DACH1: variants seen among roughly 807,000 people sequenced by gnomAD.
DACH1 encodes dachshund family transcription factor 1, also known as dachshund homolog 1.
DACH1 carries 12 observed loss-of-function variants against 54.2 expected under a neutral mutation model. The ratio of observed to expected loss-of-function variants is 0.22; its 90% CI spans 0.14 to 0.36. The LOEUF is 0.36. DACH1 is among the 10% of genes least tolerant of loss of function. The pLI is 1.00. For missense variants in DACH1, 805 were observed against 929.8 expected (o/e 0.87, Z 1.75); for synonymous variants, 386 against 366.2 (o/e 1.05, Z -0.62).
chr13:71,545,818 T>C (rs1473528424), intron 6 of DACH1, among the ~76,000 whole-genome samples: 1 of 152,042 alleles, frequency 6.6e-6, no homozygotes, highest in African/African-American at 2.4e-5. Flanking sequence ...CTTTAACATA[T>C]TCACAAATGA....
chr13:71,689,779 G>T (rs941852169), intron 1 of DACH1, among the ~76,000 whole-genome samples: 2 of 152,168 alleles, frequency 1.3e-5, no homozygotes, highest in Admixed American at 1.3e-4. Context: ...TATATTAAGT[G>T]TTAAAAATTA....
chr13:71,624,579 G>A (rs1876505002), intron 3 of DACH1, among the ~76,000 whole-genome samples: 2 of 151,752 alleles, frequency 1.3e-5, no homozygotes, highest in Admixed American at 6.6e-5. Context: ...TCATTGTTAG[G>A]CAGAAAAACA....
In DACH1 at chr13:71,630,749, C is replaced by T. The variant is rs760274539; in HGVS notation, c.965-32G>A. The T allele has an allele frequency of 5.9e-6, 9 of 1,522,348 alleles. No individual in the cohort carries two copies. In the South Asian group the frequency reaches 9.1e-5, roughly 15 times the overall value. 94.3% of individuals were successfully genotyped at this position (1,522,348 alleles called of 1,614,324 possible). ...AGAATAAATTAAAAATGAGGTAATTCAAATTCTGATTTTTCATTTAATAGT... is the reference window on the plus strand; with the variant it reads ...AGAATAAATTAAAAATGAGGTAATTTAAATTCTGATTTTTCATTTAATAGT... On this transcript the variant is annotated intron_variant, in intron 2 of 10. Transcript: ENST00000613252.
chr13:71,522,885 T>C (rs9542715), intron 6 of DACH1, among the ~76,000 whole-genome samples: 2,565 of 152,240 alleles, frequency 0.017, 39 homozygotes, highest in South Asian at 0.03. Context: ...AAAAGTTAAT[T>C]GTTAAACTTT....
At chr13:71,700,464 G>A (rs1468600597) in intron 1 of DACH1, among the ~76,000 whole-genome samples, 1 of 150,430 alleles carries the variant, frequency 6.6e-6, no homozygotes, top group East Asian at 2.0e-4. Context: ...GCTGAGGCAG[G>A]AGAATCACAT....
intron 1 of DACH1, among the ~76,000 whole-genome samples, chr13:71,782,269 C>T (rs303962): frequency 0.04 from 6,102 of 152,052 alleles, 253 homozygotes; most frequent in African/African-American, 0.11. Context: ...GGTGAAACCC[C>T]GTTTCTATTA....
intron 1 of DACH1, among the ~76,000 whole-genome samples, chr13:71,712,628 T>C (rs1239715471): frequency 2.0e-5 from 3 of 152,174 alleles, no homozygotes; most frequent in Admixed American, 6.6e-5. Context: ...GGTTGTTCCA[T>C]GTACGACATG....
intron 1 of DACH1, among the ~76,000 whole-genome samples, chr13:71,735,546 CGTGTATATGGGATATACGTGTATAT>C: frequency 6.8e-6 from 1 of 146,862 alleles, no homozygotes; most frequent in East Asian, 2.0e-4. Flanking sequence ...ATGGGATATA[CGTGTATATGGGATATACGTGTATAT>C]GGGATATACG....
intron 3 of DACH1, among the ~76,000 whole-genome samples, chr13:71,599,380 C>A (rs747509892): frequency 3.3e-5 from 5 of 152,072 alleles, no homozygotes; most frequent in Non-Finnish European, 7.4e-5. Context: ...ACAACCTGAA[C>A]AATGGAAATG....
chr13:71,816,653 T>C (rs1312699505), intron 1 of DACH1, among the ~76,000 whole-genome samples: 1 of 21,982 alleles, frequency 4.5e-5, no homozygotes, highest in Non-Finnish European at 1.3e-4. Context: ...TGTGTATATA[T>C]ATACACGTGT....
At chr13:71,470,304 C>A (rs1320466991) in intron 10 of DACH1, among the ~76,000 whole-genome samples, 2 of 102,470 alleles carry the variant, frequency 2.0e-5, no homozygotes, top group Non-Finnish European at 3.9e-5. Context: ...TTCCTTCTTT[C>A]TGTTTTTTCT....
chr13:71,627,707 C>A (rs1165809982), intron 3 of DACH1, among the ~76,000 whole-genome samples: 2 of 152,052 alleles, frequency 1.3e-5, no homozygotes, highest in African/African-American at 4.8e-5. Flanking sequence ...AGACTGTATG[C>A]CCCTGAGTCC....
At position 71,438,018 on chromosome 13, in the gene DACH1, A is replaced by G. The variant is rs952825745; in HGVS notation, c.*2637T>C. The G allele has an allele frequency of 7.2e-5, 11 of 152,474 alleles. No homozygotes were observed. Among genetic ancestry groups the G allele is most frequent in the Non-Finnish European group, 1.5e-4 (10 of 67,896 alleles). 9.4% of individuals were successfully genotyped at this position (152,474 alleles called of 1,614,324 possible). A position where few individuals can be genotyped will look rare whatever the true frequency, so the allele number is the denominator to read the frequency against. ...TTGTTGAAAAGGAAAAGAAAATTAA[A>G]TACAATAACAGTAAACGTGGTTCTC... On this transcript the variant is annotated 3_prime_UTR_variant, in exon 11 of 11. Transcript: ENST00000613252.
chr13:71,782,267 C>T (rs1357138525), intron 1 of DACH1, among the ~76,000 whole-genome samples: 1 of 152,002 alleles, frequency 6.6e-6, no homozygotes, highest in African/African-American at 2.4e-5. Flanking sequence ...ATGGTGAAAC[C>T]CCGTTTCTAT....
chr13:71,831,749 T>C (rs1032473061), intron 1 of DACH1, among the ~76,000 whole-genome samples: 1 of 151,988 alleles, frequency 6.6e-6, no homozygotes, highest in African/African-American at 2.4e-5. Context: ...GGTAATCCAA[T>C]CCTAACATGG....
chr13:71,468,282 T>C (rs998268546), intron 10 of DACH1, among the ~76,000 whole-genome samples: 4 of 152,198 alleles, frequency 2.6e-5, no homozygotes, highest in Non-Finnish European at 5.9e-5. Context: ...AACTTAACTG[T>C]ATACAAACTA....
In DACH1 at chr13:71,499,353, C is replaced by A. The variant is rs143411299; in HGVS notation, c.1571-10205G>T. 2.0e-5 allele frequency among the ~76,000 whole-genome samples: 3 copies of A among 152,190 alleles called. No individual in the cohort carries two copies. The East Asian group carries it at 5.8e-4, about 29-fold the overall frequency. On this transcript the variant is annotated intron_variant, in intron 6 of 10. Coordinates refer to ENST00000613252, the MANE Select transcript of DACH1 (RefSeq NM_080759.6). ...ATGGGAAAGCATTTATTGAAAGCTGCAAAACAGACACGGTTATATTTCCTA... is the reference window on the plus strand; with the variant it reads ...ATGGGAAAGCATTTATTGAAAGCTGAAAAACAGACACGGTTATATTTCCTA...
intron 3 of DACH1, among the ~76,000 whole-genome samples, chr13:71,622,520 T>A (rs1334912405): frequency 1.3e-5 from 2 of 151,970 alleles, no homozygotes; most frequent in African/African-American, 4.8e-5. Context: ...AATTGTCTGA[T>A]CTTAAACAAA....
At chr13:71,586,342 A>C (rs189373333) in intron 3 of DACH1, among the ~76,000 whole-genome samples, 52 of 152,316 alleles carry the variant, frequency 3.4e-4, no homozygotes, top group Admixed American at 1.8e-3. Flanking sequence ...AGTAAGGTTT[A>C]TGAAATGTAA....
Sources: allele counts gnomAD v4.1 joint callset (sites outside exome capture counted in the v4.1 genomes callset), GRCh38; gene constraint gnomAD v4.1.1; transcripts MANE v1.5; gene names NCBI Gene and HGNC (gene_info 2026-07-23, HGNC 2026-07-21).